CC2D2A: variants seen among roughly 807,000 people sequenced by gnomAD.
The protein encoded by CC2D2A is coiled-coil and C2 domain containing 2A, also known as coiled-coil and C2 domain-containing protein 2A.
Under a neutral mutation model 212.9 loss-of-function variants are expected in CC2D2A, and 155 were observed. The ratio of observed to expected loss-of-function variants is 0.73; its 90% confidence interval spans 0.64 to 0.83. The LOEUF (loss-of-function observed/expected upper bound fraction) is 0.83, where lower values mean the gene tolerates loss of function less well. CC2D2A is among the 40% of genes least tolerant of loss of function. The probability of loss-of-function intolerance (pLI) is 0.00; values close to 1 mark genes in which losing one functional copy is unlikely to be tolerated. For synonymous variants in CC2D2A, 667 were observed against 686.5 expected (o/e 0.97, Z 0.44); for missense variants, 1,856 against 1,956.2 (o/e 0.95, Z 0.97).
intron 11 of CC2D2A, among the ~76,000 whole-genome samples, chr4:15,520,122 A>G (rs1377236486): frequency 6.6e-6 from 1 of 152,096 alleles, no homozygotes; most frequent in East Asian, 1.9e-4. Context: ...ACCTCTCTGG[A>G]TATTTTTCCT....
chr4:15,483,791 G>A (rs557849799), intron 4 of CC2D2A, among the ~76,000 whole-genome samples: 1 of 152,126 alleles, frequency 6.6e-6, no homozygotes, highest in Admixed American at 6.5e-5. Context: ...TGAATGCCTC[G>A]TGACCATCTC....
intron 4 of CC2D2A, among the ~76,000 whole-genome samples, chr4:15,486,151 G>C (rs889126290): frequency 6.6e-6 from 1 of 152,076 alleles, no homozygotes; most frequent in Non-Finnish European, 1.5e-5. Flanking sequence ...TCTGGTTTTG[G>C]TATCAGGATA....
chr4:15,490,455 T>C (rs531789725), intron 4 of CC2D2A, among the ~76,000 whole-genome samples: 3 of 152,248 alleles, frequency 2.0e-5, no homozygotes, highest in Non-Finnish European at 4.4e-5. Flanking sequence ...TTCGTAAGTA[T>C]TGTAGCATGT....
chr4:15,479,390 G>T, intron 3 of CC2D2A: 1 of 1,283,590 alleles, frequency 7.8e-7, no homozygotes, highest in Non-Finnish European at 1.1e-6. Context: ...TATTGTGGAT[G>T]GGAGCTCTGC....
chr4:15,577,542 A>G (rs1014121012), intron 29 of CC2D2A, among the ~76,000 whole-genome samples: 1 of 152,160 alleles, frequency 6.6e-6, no homozygotes, highest in African/African-American at 2.4e-5. Context: ...GTTTCACACC[A>G]TAAAATGGCA....
chr4:15,599,581 A>C lies in CC2D2A; in HGVS notation c.4549A>C (p.Thr1517Pro). The change falls in exon 36 of 37, where the codon ACT (threonine) becomes CCT (proline). Residue 1517 changes from threonine to proline, a missense_variant. This residue lies in a region of CC2D2A where 285 missense variants were observed against 278.4 expected (regional missense o/e 1.02). Coordinates refer to ENST00000424120, the MANE Select transcript of CC2D2A (RefSeq NM_001378615.1). ...KIMDWRPRHLTRWNRYCTSTL... is the reference protein window; with the variant it reads ...KIMDWRPRHLPRWNRYCTSTL... The stretch of plus-strand genomic sequence containing the variant: ...CATGGACTGGAGGCCACGCCATCTG[A>C]CTCGGTGGAATAGGTATTGTACCTC... 6.2e-7 allele frequency: 1 copy of C among 1,608,046 alleles called. No homozygotes were observed. The highest frequency in any genetic ancestry group is 8.5e-7 in the Non-Finnish European group (1 of 1,175,834).
intron 4 of CC2D2A, among the ~76,000 whole-genome samples, chr4:15,499,589 T>G (rs1715807395): frequency 6.6e-6 from 1 of 152,142 alleles, no homozygotes; most frequent in Admixed American, 6.5e-5. Flanking sequence ...ATATCTTGTC[T>G]CTCTTTTAAA....
At chr4:15,523,558 G>T (rs890748357) in intron 11 of CC2D2A, among the ~76,000 whole-genome samples, 1 of 152,180 alleles carries the variant, frequency 6.6e-6, no homozygotes, top group Admixed American at 6.6e-5. Flanking sequence ...GACTCTCTTG[G>T]TTGCATATGA....
intron 4 of CC2D2A, among the ~76,000 whole-genome samples, chr4:15,494,533 G>C (rs1173310852): frequency 1.3e-5 from 2 of 152,186 alleles, no homozygotes; most frequent in African/African-American, 2.4e-5. Context: ...TTCATGTAGT[G>C]ACACTTTCAC....
chr4:15,568,435 G>A (rs1354633290), intron 26 of CC2D2A, among the ~76,000 whole-genome samples: 1 of 152,152 alleles, frequency 6.6e-6, no homozygotes, highest in African/African-American at 2.4e-5. Flanking sequence ...GGCCAAGGCG[G>A]GCAGATCACT....
chr4:15,580,204 A>G (rs1427486610), intron 30 of CC2D2A, 33 bp downstream of exon 30: 1 of 1,524,318 alleles, frequency 6.6e-7, no homozygotes, highest in Non-Finnish European at 9.1e-7. Flanking sequence ...GTGCTGTGCT[A>G]AAACTGTTTT....
chr4:15,564,251 G>C (rs11941559), intron 24 of CC2D2A: 21,649 of 152,286 alleles, frequency 0.14, 1,800 homozygotes, highest in East Asian at 0.28. Flanking sequence ...TTTTTGTAGA[G>C]ACAGGGTCCT....
chr4:15,552,735 CAGTGCCTGCAAT>C (rs1719071713), intron 18 of CC2D2A, among the ~76,000 whole-genome samples: 1 of 152,186 alleles, frequency 6.6e-6, no homozygotes, highest in Non-Finnish European at 1.5e-5. Flanking sequence ...GCGCTATCTT[CAGTGCCTGCAAT>C]AGTGCCTGGC....
intron 36 of CC2D2A, 89 bp downstream of exon 36, chr4:15,599,795 C>G (rs1215164810): frequency 1.0e-6 from 1 of 994,398 alleles, no homozygotes; most frequent in Non-Finnish European, 1.4e-6. Flanking sequence ...AATCAAAAGA[C>G]CCACGTTGCT....
Position 15,538,060 on chromosome 4 carries a change from G to A in CC2D2A, c.1926G>A (p.Arg642=). 1.2e-6 allele frequency: 2 copies of A among 1,608,284 alleles called. No homozygotes were observed. The highest frequency in any genetic ancestry group is 1.7e-6 in the Non-Finnish European group (2 of 1,177,522). The change falls in exon 16 of 37, where the codon AGG becomes AGA. Residue 642 remains arginine (R), a synonymous_variant. Transcript: ENST00000424120. ...QEVRERAAQS[R]RRPWEPTLVP... ...TGAGGGAGAGAGCAGCCCAGAGCAG[G>A]AGGAGGCCTTGGGAGCCCACGCTGG...
chr4:15,480,788 A>G lies in CC2D2A; in HGVS notation c.208A>G (p.Thr70Ala). 3 of 1,613,350 alleles carry G rather than the reference A, an allele frequency of 1.9e-6. No individual in the cohort carries two copies. Among genetic ancestry groups the G allele is most frequent in the Non-Finnish European group, 2.5e-6 (3 of 1,179,646 alleles). ...PQEPVQEEPK[T>A]RLLSMTVRRG... ...GGAGCCTGTGCAGGAGGAGCCCAAG[A>G]CCCGCCTCCTGAGTATGACAGTCCG... The change falls in exon 4 of 37, where the codon ACC (threonine) becomes GCC (alanine). Residue 70 changes from threonine (T) to alanine (A), a missense_variant. Thr to Ala is a moderately conservative substitution (Grantham distance 58). Around this residue, in one of 5 missense-constraint regions of CC2D2A, gnomAD observed 1,512 missense variants for 1,579.3 expected, o/e 0.96. Coordinates refer to ENST00000424120, the MANE Select transcript of CC2D2A (RefSeq NM_001378615.1).
intron 36 of CC2D2A, among the ~76,000 whole-genome samples, chr4:15,599,946 G>A (rs377322261): frequency 3.3e-5 from 5 of 151,976 alleles, no homozygotes; most frequent in East Asian, 1.9e-4. Flanking sequence ...ATACATTTAC[G>A]TATCAAAAAA....
intron 33 of CC2D2A, among the ~76,000 whole-genome samples, chr4:15,592,743 G>A (rs1301932431): frequency 1.3e-5 from 2 of 152,102 alleles, no homozygotes; most frequent in East Asian, 3.9e-4. Flanking sequence ...TATCCTGGTA[G>A]AGAAGTGATA....
chr4:15,511,151 T>C lies in CC2D2A; in HGVS notation c.541-96T>C, dbSNP rs563923174. The C allele has an allele frequency of 2.3e-5, 30 of 1,332,136 alleles. No individual in the cohort carries two copies. In the South Asian group the frequency reaches 4.0e-4, roughly 18 times the overall value. 82.5% of individuals were successfully genotyped at this position (1,332,136 alleles called of 1,614,324 possible). ...ATGCTTCGGAGGCCTGGAATATGCCTGATCTCATTAGCATTAAGCCAGCTG... is the reference window on the plus strand; with the variant it reads ...ATGCTTCGGAGGCCTGGAATATGCCCGATCTCATTAGCATTAAGCCAGCTG... On this transcript the variant is annotated intron_variant, in intron 7 of 36. Coordinates refer to ENST00000424120, the MANE Select transcript of CC2D2A (RefSeq NM_001378615.1).
Sources: allele counts gnomAD v4.1 joint callset (sites outside exome capture counted in the v4.1 genomes callset), GRCh38; gene constraint gnomAD v4.1.1; regional missense constraint gnomAD v4.1.1; transcripts MANE v1.5; gene names NCBI Gene and HGNC (gene_info 2026-07-23, HGNC 2026-07-21).